STYK1: variants seen among roughly 807,000 people sequenced by gnomAD.
STYK1 encodes the protein STY kinase 1.
STYK1 carries 46 observed loss-of-function variants against 48.1 expected under a neutral mutation model. That is an observed-to-expected ratio of 0.96 (90% CI 0.75 to 1.22). The LOEUF is 1.22. Ranked by LOEUF, STYK1 falls within the 50% of genes most tolerant of loss-of-function variation. STYK1 has a pLI of 0.00. For synonymous variants in STYK1, 188 were observed against 189.0 expected (o/e 0.99, Z 0.04); for missense variants, 527 against 521.1 (o/e 1.01, Z -0.11).
chr12:10,673,943 G>GC (rs1234283611), intron 1 of STYK1, 23 bp downstream of exon 1: 1 of 143,888 alleles, frequency 6.9e-6, no homozygotes, highest in South Asian at 2.5e-4. Context: ...CGCCGCGCCC[G>GC]CCCCCCATAC....
At chr12:10,643,971 G>GAAA (rs36021112) in intron 1 of STYK1, among the ~76,000 whole-genome samples, 152 of 151,196 alleles carry the variant, frequency 1.0e-3, no homozygotes, top group African/African-American at 3.5e-3. Flanking sequence ...TTGTATTTTA[G>GAAA]AAAAAAAAAA....
At chr12:10,651,906 A>C (rs1414209394) in intron 1 of STYK1, among the ~76,000 whole-genome samples, 1 of 152,312 alleles carries the variant, frequency 6.6e-6, no homozygotes, top group East Asian at 1.9e-4. Context: ...TTTCAAATTT[A>C]AAAGGTCATA....
chr12:10,649,981 G>A (rs564000502), intron 1 of STYK1, among the ~76,000 whole-genome samples: 155 of 151,996 alleles, frequency 1.0e-3, no homozygotes, highest in South Asian at 1.9e-3. Flanking sequence ...AGGCGTGGTG[G>A]CGGGCCCCTG....
At position 10,655,528 on chromosome 12, in the gene STYK1, G is replaced by A. The variant is rs1947708695; in HGVS notation, c.-194-18332C>T. 2.6e-5 allele frequency among the ~76,000 whole-genome samples: 4 copies of A among 152,212 alleles called. No individual in the cohort carries two copies. The South Asian group carries it at 8.3e-4, about 32-fold the overall frequency. On this transcript the variant is annotated intron_variant, in intron 1 of 10. Transcript: ENST00000075503. ...GTTCAATTTCTGGTTTAGGGAATGA[G>A]TACTTTCAGGTTGATATTGGTGTGA...
intron 1 of STYK1, among the ~76,000 whole-genome samples, chr12:10,649,290 G>T (rs1319387291): frequency 1.5e-5 from 2 of 137,520 alleles, no homozygotes; most frequent in African/African-American, 5.0e-5. Flanking sequence ...GTACATATTT[G>T]AAATTTTCTG....
Position 10,619,843 on chromosome 12 carries a change from T to C in STYK1, c.*301A>G. The C allele has an allele frequency of 6.9e-6, 3 of 433,480 alleles. No individual in the cohort carries two copies. The highest frequency in any genetic ancestry group is 8.4e-5 in the South Asian group (1 of 11,964). The allele number at this position is 433,480 out of a possible 1,614,324, so 26.9% of individuals were successfully genotyped here. On this transcript the variant is annotated 3_prime_UTR_variant, in exon 11 of 11. Coordinates refer to ENST00000075503, the MANE Select transcript of STYK1 (RefSeq NM_018423.3). ...CCTCGGACGGGAGGGATGAGCTTATTTGTGCCATGCCCCAACAAATACTGC... is the reference window on the plus strand; with the variant it reads ...CCTCGGACGGGAGGGATGAGCTTATCTGTGCCATGCCCCAACAAATACTGC...
At position 10,620,206 on chromosome 12, in the gene STYK1, G is replaced by C; in HGVS notation, c.1207C>G (p.Leu403Val). 1 of 1,614,188 alleles carries C rather than the reference G, an allele frequency of 6.2e-7. No individual in the cohort carries two copies. The highest frequency in any genetic ancestry group is 8.5e-7 in the Non-Finnish European group (1 of 1,180,032). ...CTGATGCCGGCCACAGCTGCATACA[G>C]TTCAGGTACCACCAACTCTGGTACT... ...LQVPELVVPE[L>V]YAAVAGIRVE... The change falls in exon 11 of 11, where the codon CTG becomes GTG. Residue 403 changes from leucine (L) to valine (V), a missense_variant. Physicochemically the swap from Leu to Val is conservative, Grantham distance 32. Transcript: ENST00000075503.
intron 1 of STYK1, among the ~76,000 whole-genome samples, chr12:10,662,411 A>G (rs748581357): frequency 2.0e-5 from 3 of 152,204 alleles, no homozygotes; most frequent in Non-Finnish European, 4.4e-5. Context: ...TGGTAACTCT[A>G]TGTTTAAATT....
At chr12:10,651,699 A>G (rs755618282) in intron 1 of STYK1, among the ~76,000 whole-genome samples, 2 of 152,202 alleles carry the variant, frequency 1.3e-5, no homozygotes, top group Non-Finnish European at 2.9e-5. Flanking sequence ...TGTAACATCA[A>G]TATGATAACA....
intron 1 of STYK1, among the ~76,000 whole-genome samples, chr12:10,664,560 A>T (rs1447900118): frequency 6.6e-6 from 1 of 152,214 alleles, no homozygotes; most frequent in Non-Finnish European, 1.5e-5. Flanking sequence ...CTGAATATTT[A>T]TAAACCCACA....
intron 1 of STYK1, among the ~76,000 whole-genome samples, chr12:10,653,876 A>G (rs561120994): frequency 6.6e-6 from 1 of 152,290 alleles, no homozygotes; most frequent in East Asian, 1.9e-4. Context: ...CATCTTGAAC[A>G]GGGGCTTGGT....
chr12:10,663,789 G>A (rs557589997), intron 1 of STYK1, among the ~76,000 whole-genome samples: 9 of 150,158 alleles, frequency 6.0e-5, no homozygotes, highest in African/African-American at 2.2e-4. Flanking sequence ...TAAGGATGTA[G>A]ATCAATTTGG....
chr12:10,622,790 A>G, intron 8 of STYK1, 112 bp from the exon 9 acceptor site: 1 of 1,259,692 alleles, frequency 7.9e-7, no homozygotes, highest in Non-Finnish European at 1.1e-6. Context: ...GCAATGAAGG[A>G]GAATCAAGGA....
Position 10,645,406 on chromosome 12 carries a change from C to T in STYK1, c.-194-8210G>A, listed in dbSNP as rs571728051. On this transcript the variant is annotated intron_variant, in intron 1 of 10. Coordinates refer to ENST00000075503, the MANE Select transcript of STYK1 (RefSeq NM_018423.3). ...AGTTGATTTCTTTGGAAACTTAGGG[C>T]TCCAGCAAGATAAGAAAGGGAACTG... is the stretch of plus-strand genomic sequence containing the variant. Among the ~76,000 whole-genome samples, 43 of 152,178 alleles carry T rather than the reference C, an allele frequency of 2.8e-4. No individual in the cohort carries two copies. The South Asian group carries it at 6.2e-3, about 22-fold the overall frequency.
At chr12:10,663,598 C>CAAAAAAAAAAA (rs34019110) in intron 1 of STYK1, among the ~76,000 whole-genome samples, 1 of 51,472 alleles carries the variant, frequency 1.9e-5, no homozygotes, top group African/African-American at 6.8e-5. Flanking sequence ...GACTCTGTCT[C>CAAAAAAAAAAA]AAAAAAAAAA....
chr12:10,659,916 A>C (rs1165738777), intron 1 of STYK1, among the ~76,000 whole-genome samples: 1 of 152,172 alleles, frequency 6.6e-6, no homozygotes, highest in Non-Finnish European at 1.5e-5. Context: ...TTCTAGTCCC[A>C]TCAGTTTTTA....
intron 8 of STYK1, among the ~76,000 whole-genome samples, chr12:10,623,970 T>C (rs1262764444): frequency 6.6e-6 from 1 of 152,176 alleles, no homozygotes; most frequent in Non-Finnish European, 1.5e-5. Flanking sequence ...ATTGAAGGTA[T>C]GTATATTTCT....
intron 4 of STYK1, 45 bp from the exon 5 acceptor site, chr12:10,631,353 G>A: frequency 1.3e-6 from 2 of 1,596,536 alleles, no homozygotes; most frequent in Non-Finnish European, 1.7e-6. Flanking sequence ...CCGCCCTGGG[G>A]ATCCCGGAAA....
intron 4 of STYK1, among the ~76,000 whole-genome samples, 192 bp downstream of exon 4, chr12:10,633,798 C>T (rs138337981): frequency 5.7e-4 from 87 of 152,196 alleles, no homozygotes; most frequent in South Asian, 2.7e-3. Context: ...TCAGTAAGCA[C>T]GTGTTGAATT....
Sources: allele counts gnomAD v4.1 joint callset (sites outside exome capture counted in the v4.1 genomes callset), GRCh38; gene constraint gnomAD v4.1.1; transcripts MANE v1.5; gene names NCBI Gene and HGNC (gene_info 2026-07-23, HGNC 2026-07-21).